The following AP3B1 variants were observed in gnomAD, a reference collection of about 807,000 sequenced individuals.
AP3B1 encodes adaptor related protein complex 3 subunit beta 1.
Under a neutral mutation model 132.5 loss-of-function variants are expected in AP3B1, and 61 were observed. The observed-to-expected ratio is 0.46, with a 90% CI of 0.37 to 0.57. The LOEUF (loss-of-function observed/expected upper bound fraction) is 0.57. Among genes scored for constraint, AP3B1 ranks in the 20% least tolerant of loss-of-function variants. The pLI is 0.00. For missense variants in AP3B1, 1,120 were observed against 1,289.4 expected, an observed-to-expected ratio of 0.87 and a Z score of 2.01; for synonymous variants, 388 against 438.3, an observed-to-expected ratio of 0.89 and a Z score of 1.43.
intron 7 of AP3B1, among the ~76,000 whole-genome samples, chr5:78,208,587 C>G (rs1488071023): frequency 6.6e-6 from 1 of 152,068 alleles, no homozygotes; most frequent in South Asian, 2.1e-4. Context: ...ATTTCTGACT[C>G]TAAAGGAATT....
Position 78,156,293 on chromosome 5 carries a change from T to C in AP3B1, c.1438A>G (p.Ile480Val). ...QMQPAQHGEI[I>V]KHMAKLLDSI... ...TCCAGGAGTTTGGCCATATGTTTAA[T>C]AATTTCACCATGTTGTGCAGGTTGC... is the stretch of plus-strand genomic sequence containing the variant. Residue 480 changes from isoleucine to valine, a missense_variant, in exon 14 of 27, where the codon ATT becomes GTT. Coordinates refer to ENST00000255194, the MANE Select transcript of AP3B1 (RefSeq NM_003664.5). 3 of 1,613,774 alleles carry C rather than the reference T, an allele frequency of 1.9e-6. No individual in the cohort carries two copies. The highest frequency in any genetic ancestry group is 1.7e-6 in the Non-Finnish European group (2 of 1,179,804).
intron 3 of AP3B1, among the ~76,000 whole-genome samples, chr5:78,233,031 C>T (rs1335606341): frequency 6.6e-6 from 1 of 152,024 alleles, no homozygotes; most frequent in African/African-American, 2.4e-5. Flanking sequence ...TTTTCAATTG[C>T]TAACACTACA....
intron 21 of AP3B1, among the ~76,000 whole-genome samples, chr5:78,097,340 G>A (rs1315782507): frequency 7.6e-6 from 1 of 132,162 alleles, no homozygotes; most frequent in Non-Finnish European, 1.7e-5. Context: ...AGGTGGGGGG[G>A]TCAGCCCCCT....
rs900160474 is a variant in AP3B1 at position 78,148,789 on chromosome 5, C to G, written c.1473+7469G>C. On this transcript the variant is annotated intron_variant, in intron 14 of 26. Coordinates refer to ENST00000255194, the MANE Select transcript of AP3B1 (RefSeq NM_003664.5). ...ATAATCATGTGTAAATATACAGTCACCTATATATCTCTCTTCTTTGTCTTC... is the reference window on the plus strand; with the variant it reads ...ATAATCATGTGTAAATATACAGTCAGCTATATATCTCTCTTCTTTGTCTTC... 2.6e-5 allele frequency among the ~76,000 whole-genome samples: 4 copies of G among 152,116 alleles called. No homozygotes were observed. The East Asian group carries it at 5.8e-4, about 22-fold the overall frequency.
At chr5:78,073,403 T>C (rs72776411) in intron 22 of AP3B1, among the ~76,000 whole-genome samples, 2,435 of 152,288 alleles carry the variant, frequency 0.016, 31 homozygotes, top group Non-Finnish European at 0.025. Flanking sequence ...GATTGACCAA[T>C]GCATAATCTA....
chr5:78,247,289 T>C, intron 2 of AP3B1, among the ~76,000 whole-genome samples: 1 of 148,180 alleles, frequency 6.7e-6, no homozygotes, highest in East Asian at 2.1e-4. Context: ...ATAGATAATA[T>C]AGATAATAAT....
In AP3B1 at chr5:78,127,971, T is replaced by C. The variant is rs1038194437; in HGVS notation, c.1968+59A>G. 3 of 1,586,884 alleles carry C rather than the reference T, an allele frequency of 1.9e-6. No homozygotes were observed. In the African/African-American group the frequency reaches 4.0e-5, roughly 21 times the overall value. On this transcript the variant is annotated intron_variant, in intron 17 of 26. Transcript: ENST00000255194. ...CCAAAAAAGCTTTTATATAAAACAA[T>C]AGCTATCCTAGAGTCTTCCACTGCT...
At chr5:78,028,130 A>G (rs1260335285) in intron 24 of AP3B1, among the ~76,000 whole-genome samples, 1 of 152,018 alleles carries the variant, frequency 6.6e-6, no homozygotes, top group Non-Finnish European at 1.5e-5. Context: ...GTCTCAAAAC[A>G]ACAAAAAAAA....
In AP3B1 at chr5:78,002,587, T is replaced by C. The variant is rs1561346087; in HGVS notation, c.*315A>G. ...GAACTTTAAATATCTCATTCATGTC[T>C]ACCATTGTCGAAAAAGAGAAGGAAA... is the stretch of plus-strand genomic sequence containing the variant. On this transcript the variant is annotated 3_prime_UTR_variant, in exon 27 of 27. Coordinates refer to ENST00000255194, the MANE Select transcript of AP3B1 (RefSeq NM_003664.5). 5.2e-6 allele frequency: 3 copies of C among 574,734 alleles called. No homozygotes were observed. The highest frequency in any genetic ancestry group is 9.2e-6 in the Non-Finnish European group (3 of 325,158). The allele number at this position is 574,734 out of a possible 1,614,324, so 35.6% of individuals were successfully genotyped here. A position where few individuals can be genotyped will look rare whatever the true frequency, so the allele number is the denominator to read the frequency against.
At chr5:78,138,917 C>T (rs1351180388) in intron 15 of AP3B1, among the ~76,000 whole-genome samples, 1 of 142,596 alleles carries the variant, frequency 7.0e-6, no homozygotes, top group Non-Finnish European at 1.5e-5. Flanking sequence ...TTGCAGTGAG[C>T]CAAGATCATG....
At chr5:78,081,070 CTT>C in intron 22 of AP3B1, among the ~76,000 whole-genome samples, 1 of 152,258 alleles carries the variant, frequency 6.6e-6, no homozygotes, top group East Asian at 1.9e-4. Flanking sequence ...TCAGGGTACT[CTT>C]GAGTTATTAT....
chr5:78,075,437 T>C (rs1445303244), intron 22 of AP3B1, among the ~76,000 whole-genome samples: 3 of 152,224 alleles, frequency 2.0e-5, no homozygotes, highest in Non-Finnish European at 4.4e-5. Context: ...AGGAAAGGCC[T>C]GATAAGAGTC....
rs146295650 is a variant in AP3B1, at chr5:78,162,835, C to G, written c.1347G>C (p.Leu449=). The G allele has an allele frequency of 6.2e-7, 1 of 1,613,826 alleles. No individual in the cohort carries two copies. The highest frequency in any genetic ancestry group is 1.7e-5 in the Admixed American group (1 of 59,996). ...TDTCLNGLVC[L]LSNRDEIVVA... is the part of the protein sequence containing the mutation. ...TAAACTTACCATCCCTGTTGGACAG[C>G]AGACAGACCAAGCCATTGAGGCACG... The change falls in exon 13 of 27, where the codon CTG becomes CTC. Residue 449 remains leucine, a synonymous_variant. Coordinates refer to ENST00000255194, the MANE Select transcript of AP3B1 (RefSeq NM_003664.5).
At chr5:78,186,199 A>G (rs1402308460) in intron 7 of AP3B1, among the ~76,000 whole-genome samples, 4 of 152,196 alleles carry the variant, frequency 2.6e-5, no homozygotes, top group Non-Finnish European at 5.9e-5. Context: ...AAAGATGGAA[A>G]AATACATAGC....
intron 22 of AP3B1, among the ~76,000 whole-genome samples, chr5:78,067,259 G>C (rs1011860668): frequency 6.6e-6 from 1 of 152,208 alleles, no homozygotes; most frequent in African/African-American, 2.4e-5. Flanking sequence ...GGAGCACCCA[G>C]ATTCATAAAA....
chr5:78,076,857 A>T (rs549950684), intron 22 of AP3B1, among the ~76,000 whole-genome samples: 1 of 152,302 alleles, frequency 6.6e-6, no homozygotes, highest in South Asian at 2.1e-4. Context: ...AAAGTTTCAC[A>T]TTTGGAACCC....
intron 20 of AP3B1, among the ~76,000 whole-genome samples, chr5:78,107,489 A>G (rs561328475): frequency 6.6e-6 from 1 of 152,334 alleles, no homozygotes; most frequent in South Asian, 2.1e-4. Flanking sequence ...AGTTGGCAGA[A>G]AAGGAATGAA....
intron 22 of AP3B1, among the ~76,000 whole-genome samples, chr5:78,074,411 A>G (rs1158000437): frequency 6.6e-6 from 1 of 152,202 alleles, no homozygotes; most frequent in African/African-American, 2.4e-5. Context: ...AATGTTTTCA[A>G]TTGAAGCAGA....
chr5:78,213,573 G>A (rs1035377488), intron 7 of AP3B1, among the ~76,000 whole-genome samples: 3 of 152,090 alleles, frequency 2.0e-5, no homozygotes, highest in African/African-American at 2.4e-5. Context: ...TGGGCTAAAC[G>A]AGACCCTCAA....
Sources: gnomAD v4.1 joint callset for allele counts (sites outside exome capture counted in the v4.1 genomes callset) on GRCh38, gnomAD v4.1.1 for gene constraint, MANE v1.5 for transcripts, NCBI Gene and HGNC (gene_info 2026-07-23, HGNC 2026-07-21) for gene names.